The following CDH13 variants were observed in gnomAD, a reference collection of about 807,000 sequenced individuals.
CDH13 encodes cadherin-13.
In CDH13, 24 loss-of-function variants were observed where a neutral mutation model predicts 63.8. The observed-to-expected ratio is 0.38, with a 90% CI of 0.27 to 0.53. The LOEUF is 0.53. Among genes scored for constraint, CDH13 ranks in the 20% least tolerant of loss-of-function variants. The pLI is 0.85. For missense variants in CDH13, 1,049 were observed against 903.1 expected, an observed-to-expected ratio of 1.16 and a Z score of -2.07; for synonymous variants, 503 against 355.3, an observed-to-expected ratio of 1.42 and a Z score of -4.67.
chr16:82,992,683 A>G (rs1274132034), intron 2 of CDH13, among the ~76,000 whole-genome samples: 3 of 152,222 alleles, frequency 2.0e-5, no homozygotes, highest in Non-Finnish European at 4.4e-5. Context: ...TCAATACTAC[A>G]TGACAAGAGG....
intron 6 of CDH13, among the ~76,000 whole-genome samples, chr16:83,390,063 A>G (rs1433820951): frequency 1.3e-5 from 1 of 78,688 alleles, no homozygotes; most frequent in African/African-American, 1.8e-4. Flanking sequence ...ATTTTCCCAG[A>G]AAAAAAAATG....
At chr16:82,865,776 G>A (rs569100942) in intron 2 of CDH13, among the ~76,000 whole-genome samples, 130 of 152,256 alleles carry the variant, frequency 8.5e-4, no homozygotes, top group Non-Finnish European at 1.5e-3. Context: ...GCAAATTTCT[G>A]TAGCTGGCTT....
chr16:83,183,794 C>G (rs1013022234), intron 4 of CDH13, among the ~76,000 whole-genome samples: 5 of 152,104 alleles, frequency 3.3e-5, no homozygotes, highest in African/African-American at 1.2e-4. Context: ...GGATCCAAGG[C>G]AGTGTTTGGC....
intron 1 of CDH13, among the ~76,000 whole-genome samples, chr16:82,673,638 T>A (rs1295901868): frequency 1.3e-5 from 2 of 152,242 alleles, no homozygotes; most frequent in African/African-American, 4.8e-5. Flanking sequence ...ATTTCTGAGA[T>A]GGCGAGAGCC....
intron 8 of CDH13, among the ~76,000 whole-genome samples, chr16:83,658,979 C>T (rs1183329265): frequency 5.0e-5 from 7 of 141,258 alleles, no homozygotes; most frequent in South Asian, 2.4e-4. Flanking sequence ...CAGCAAGGTC[C>T]CATGTCCTCA....
In CDH13 at chr16:83,125,377, C is replaced by A; in HGVS notation, c.367-8C>A. ...GATTTTAATCAATCCTTTTGTTTTCCCTTTTAGGATATATTTAAATTTGCA... is the reference window on the plus strand; with the variant it reads ...GATTTTAATCAATCCTTTTGTTTTCACTTTTAGGATATATTTAAATTTGCA... On this transcript the variant is annotated splice_region_variant and splice_polypyrimidine_tract_variant and intron_variant, in intron 3 of 13. Transcript: ENST00000567109. 6 of 1,424,964 alleles carry A rather than the reference C, an allele frequency of 4.2e-6. No homozygotes were observed. Among genetic ancestry groups the A allele is most frequent in the Non-Finnish European group, 5.0e-6 (5 of 1,009,466 alleles). The allele number at this position is 1,424,964 out of a possible 1,614,324, so 88.3% of individuals were successfully genotyped here.
chr16:82,785,171 G>C (rs1597572265), intron 1 of CDH13, among the ~76,000 whole-genome samples: 1 of 152,118 alleles, frequency 6.6e-6, no homozygotes, highest in African/African-American at 2.4e-5. Flanking sequence ...TTGAAACGGA[G>C]AGACATAAGA....
intron 6 of CDH13, among the ~76,000 whole-genome samples, chr16:83,455,220 A>G (rs983924240): frequency 2.6e-5 from 4 of 152,194 alleles, no homozygotes; most frequent in African/African-American, 9.7e-5. Context: ...ATCAGTGAAC[A>G]ATACAACTTG....
intron 7 of CDH13, among the ~76,000 whole-genome samples, chr16:83,556,086 A>G (rs1347130710): frequency 1.3e-5 from 2 of 152,236 alleles, no homozygotes; most frequent in Admixed American, 6.5e-5. Context: ...ACTTAATGAG[A>G]TAAATCGTGT....
At chr16:82,940,826 A>C (rs1008873686) in intron 2 of CDH13, among the ~76,000 whole-genome samples, 2 of 152,156 alleles carry the variant, frequency 1.3e-5, no homozygotes, top group Non-Finnish European at 2.9e-5. Context: ...CATGACTCCT[A>C]ATTGTTGTAT....
chr16:82,667,612 A>G (rs1163028491), intron 1 of CDH13, among the ~76,000 whole-genome samples: 4 of 152,158 alleles, frequency 2.6e-5, no homozygotes, highest in African/African-American at 9.7e-5. Flanking sequence ...GTCTGATGTC[A>G]CGTTGCCCCT....
chr16:83,550,805 C>A (rs995828580), intron 7 of CDH13, among the ~76,000 whole-genome samples: 4 of 152,116 alleles, frequency 2.6e-5, no homozygotes, highest in Admixed American at 2.6e-4. Context: ...AGCTGCCTTC[C>A]TTAGGCTGTT....
intron 6 of CDH13, among the ~76,000 whole-genome samples, chr16:83,439,688 T>C (rs1277692411): frequency 2.0e-5 from 3 of 152,238 alleles, no homozygotes; most frequent in Non-Finnish European, 2.9e-5. Flanking sequence ...GCCTTCTTTA[T>C]GGTCTGATTG....
chr16:83,709,569 C>T (rs1425362005), intron 10 of CDH13, among the ~76,000 whole-genome samples: 2 of 152,252 alleles, frequency 1.3e-5, no homozygotes, highest in Admixed American at 6.5e-5. Context: ...ACATAGCAAA[C>T]ACCCTGTAAA....
At chr16:83,316,815 T>C (rs540464932) in intron 5 of CDH13, among the ~76,000 whole-genome samples, 1 of 152,238 alleles carries the variant, frequency 6.6e-6, no homozygotes, top group South Asian at 2.1e-4. Flanking sequence ...CACACTGGCC[T>C]AAAACAACAG....
At chr16:83,565,334 C>G (rs936689535) in intron 7 of CDH13, among the ~76,000 whole-genome samples, 1 of 151,962 alleles carries the variant, frequency 6.6e-6, no homozygotes, top group Non-Finnish European at 1.5e-5. Flanking sequence ...CCAGCCCTGA[C>G]AACCCTGACC....
intron 2 of CDH13, among the ~76,000 whole-genome samples, chr16:82,891,031 A>C (rs1413875807): frequency 1.7e-5 from 2 of 121,056 alleles, no homozygotes; most frequent in Admixed American, 9.9e-5. Flanking sequence ...TAAGTCATAG[A>C]GGAGGGTTTT....
intron 1 of CDH13, among the ~76,000 whole-genome samples, chr16:82,790,217 A>G (rs763075574): frequency 6.6e-5 from 10 of 152,204 alleles, no homozygotes; most frequent in Middle Eastern, 3.4e-3. Flanking sequence ...CAGGCAGATC[A>G]TGAGGTTAGG....
chr16:83,207,424 A>T (rs1052141846), intron 4 of CDH13, among the ~76,000 whole-genome samples: 4 of 152,220 alleles, frequency 2.6e-5, no homozygotes, highest in Non-Finnish European at 5.9e-5. Context: ...CCTTCCTTTT[A>T]AAGTCTAAAT....
Sources: allele counts gnomAD v4.1 joint callset (sites outside exome capture counted in the v4.1 genomes callset), GRCh38; gene constraint gnomAD v4.1.1; transcripts MANE v1.5; gene names NCBI Gene and HGNC (gene_info 2026-07-23, HGNC 2026-07-21).